The following HS2ST1 variants were observed in gnomAD, a reference collection of about 807,000 sequenced individuals.
The protein encoded by HS2ST1 is 2-O-sulfotransferase.
Under a neutral mutation model 42.9 loss-of-function variants are expected in HS2ST1, and 18 were observed. That is an observed-to-expected ratio of 0.42 (90% confidence interval 0.29 to 0.62). The LOEUF (loss-of-function observed/expected upper bound fraction) is 0.62, where lower values mean the gene tolerates loss of function less well. Ranked by LOEUF, HS2ST1 falls within the 20% of genes least tolerant of loss-of-function variation. HS2ST1 has a pLI of 0.21. For synonymous variants in HS2ST1, 146 were observed against 152.9 expected (o/e 0.95, Z 0.33); for missense variants, 334 against 433.8 (o/e 0.77, Z 2.04).
Position 87,107,724 on chromosome 1 carries a change from C to T in HS2ST1, c.*3028C>T, listed in dbSNP as rs1652358321. ...TGTATCAACTCCTCTTTTCTAATTG[C>T]TGTGAAATGGCAACTGTTGATAAAT... On this transcript the variant is annotated 3_prime_UTR_variant, in exon 7 of 7. Coordinates refer to ENST00000370550, the MANE Select transcript of HS2ST1 (RefSeq NM_012262.4). The T allele has an allele frequency of 6.6e-6, 1 of 151,714 alleles. No homozygotes were observed. Among genetic ancestry groups the T allele is most frequent in the Non-Finnish European group, 1.5e-5 (1 of 67,834 alleles). The allele number at this position is 151,714 out of a possible 1,614,324, so 9.4% of individuals were successfully genotyped here. A position where few individuals can be genotyped will look rare whatever the true frequency, so the allele number is the denominator to read the frequency against.
intron 2 of HS2ST1, among the ~76,000 whole-genome samples, chr1:87,079,355 C>T (rs929588795): frequency 6.6e-6 from 1 of 152,098 alleles, no homozygotes; most frequent in Non-Finnish European, 1.5e-5. Context: ...CTTGGCTGGT[C>T]TCAAACCCCT....
At chr1:86,940,005 AT>A (rs1260083722) in intron 1 of HS2ST1, among the ~76,000 whole-genome samples, 10 of 152,246 alleles carry the variant, frequency 6.6e-5, no homozygotes, top group African/African-American at 1.9e-4. Flanking sequence ...TGTTAGCAAT[AT>A]TTTTTTGTAA....
chr1:86,975,247 A>G (rs1195590011), intron 1 of HS2ST1, among the ~76,000 whole-genome samples: 1 of 152,084 alleles, frequency 6.6e-6, no homozygotes. Flanking sequence ...TTCTGTGGAA[A>G]AGAGATCAGT....
chr1:87,071,420 G>A (rs1294300015), intron 1 of HS2ST1, among the ~76,000 whole-genome samples: 1 of 152,138 alleles, frequency 6.6e-6, no homozygotes, highest in Non-Finnish European at 1.5e-5. Context: ...TGTAGTATAA[G>A]ATAGATGAAT....
intron 1 of HS2ST1, among the ~76,000 whole-genome samples, chr1:87,011,708 C>G (rs1031661326): frequency 1.6e-4 from 25 of 152,144 alleles, no homozygotes; most frequent in South Asian, 1.2e-3. Context: ...TAATTTAAAT[C>G]TTAATTTCAT....
At chr1:87,005,775 C>T (rs1030874993) in intron 1 of HS2ST1, among the ~76,000 whole-genome samples, 1 of 152,020 alleles carries the variant, frequency 6.6e-6, no homozygotes, top group African/African-American at 2.4e-5. Flanking sequence ...AGTCATATTA[C>T]CAAAATTTGG....
At chr1:87,049,729 G>GTATC (rs1296155299) in intron 1 of HS2ST1, among the ~76,000 whole-genome samples, 4 of 152,042 alleles carry the variant, frequency 2.6e-5, no homozygotes, top group African/African-American at 4.8e-5. Context: ...AAAAGAATGT[G>GTATC]TATCTGCATT....
intron 1 of HS2ST1, among the ~76,000 whole-genome samples, chr1:86,949,938 G>T (rs1647454989): frequency 6.6e-6 from 1 of 152,244 alleles, no homozygotes; most frequent in Admixed American, 6.5e-5. Flanking sequence ...AGAACACAGG[G>T]CTTTTAGGAC....
intron 1 of HS2ST1, among the ~76,000 whole-genome samples, chr1:87,058,364 T>G: frequency 6.6e-6 from 1 of 151,820 alleles, no homozygotes; most frequent in East Asian, 1.9e-4. Flanking sequence ...GGATTCTGCC[T>G]CTTTTTCACA....
At chr1:86,965,943 T>G (rs1397991363) in intron 1 of HS2ST1, among the ~76,000 whole-genome samples, 2 of 152,262 alleles carry the variant, frequency 1.3e-5, no homozygotes, top group African/African-American at 4.8e-5. Flanking sequence ...TGTTATCATT[T>G]GCCTGTTTGG....
chr1:87,012,815 C>T (rs1649639657), intron 1 of HS2ST1, among the ~76,000 whole-genome samples: 1 of 152,184 alleles, frequency 6.6e-6, no homozygotes, highest in African/African-American at 2.4e-5. Flanking sequence ...TACAGCCATT[C>T]CAAATGGGAG....
At chr1:87,040,509 T>TGCATGGG (rs1046576886) in intron 1 of HS2ST1, among the ~76,000 whole-genome samples, 6 of 152,060 alleles carry the variant, frequency 3.9e-5, no homozygotes, top group Non-Finnish European at 5.9e-5. Context: ...GAGCTTGTGG[T>TGCATGGG]GCATGGGGCA....
At chr1:87,075,712 TG>T (rs764056685) in intron 2 of HS2ST1, among the ~76,000 whole-genome samples, 32 of 152,302 alleles carry the variant, frequency 2.1e-4, no homozygotes, top group Admixed American at 1.0e-3. Context: ...AGACATTTTT[TG>T]TACATACTAT....
chr1:86,984,887 CAAG>C (rs1266427533), intron 1 of HS2ST1, among the ~76,000 whole-genome samples: 1 of 115,258 alleles, frequency 8.7e-6, no homozygotes, highest in African/African-American at 3.5e-5. Flanking sequence ...GCCTGGGTGA[CAAG>C]AAGAAATCTC....
chr1:86,992,937 T>A, intron 1 of HS2ST1: 1 of 753,096 alleles, frequency 1.3e-6, no homozygotes, highest in Non-Finnish European at 2.1e-6. Context: ...TGTAATAAAC[T>A]GGGGGAAACT....
rs1243404320 is a variant in HS2ST1, at chr1:87,107,015, A to G, written c.*2319A>G. Reference sequence around the variant, plus strand: ...CTAGTCAACCCTGCCATTTTACCACAAAAGCAGCAATAGACATTATGTAAA... The same window carrying G: ...CTAGTCAACCCTGCCATTTTACCACGAAAGCAGCAATAGACATTATGTAAA... On this transcript the variant is annotated 3_prime_UTR_variant, in exon 7 of 7. Transcript: ENST00000370550. The G allele has an allele frequency of 6.6e-6, 1 of 152,098 alleles. No homozygotes were observed. The highest frequency in any genetic ancestry group is 1.9e-4 in the East Asian group (1 of 5,198). The allele number at this position is 152,098 out of a possible 1,614,324, so 9.4% of individuals were successfully genotyped here.
chr1:86,935,037 A>T (rs907692391), intron 1 of HS2ST1: 3 of 152,008 alleles, frequency 2.0e-5, no homozygotes, highest in Non-Finnish European at 4.4e-5. Flanking sequence ...TCAGACCAGA[A>T]ATCCTTAATG....
intron 1 of HS2ST1, chr1:87,045,398 C>T: frequency 4.8e-6 from 7 of 1,459,614 alleles, no homozygotes; most frequent in Non-Finnish European, 6.7e-6. Flanking sequence ...TGTTCCTTTC[C>T]CATCTTCAAT....
At chr1:86,970,828 T>A (rs1648211917) in intron 1 of HS2ST1, among the ~76,000 whole-genome samples, 1 of 152,182 alleles carries the variant, frequency 6.6e-6, no homozygotes, top group Non-Finnish European at 1.5e-5. Context: ...GGTACAGAAA[T>A]GCAAATCTAG....
Sources: gnomAD v4.1 joint callset for allele counts (sites outside exome capture counted in the v4.1 genomes callset) on GRCh38, gnomAD v4.1.1 for gene constraint, MANE v1.5 for transcripts, NCBI Gene and HGNC (gene_info 2026-07-23, HGNC 2026-07-21) for gene names.